Variants in MCU observed in about 807,000 individuals in gnomAD.
MCU encodes the protein mitochondrial calcium uniporter.
Under a neutral mutation model 45.2 loss-of-function variants are expected in MCU, and 12 were observed. That is an observed-to-expected ratio of 0.27 (90% CI 0.17 to 0.43). The LOEUF (loss-of-function observed/expected upper bound fraction) is 0.43. MCU is among the 20% of genes least tolerant of loss of function. The probability of loss-of-function intolerance (pLI) is 1.00; values close to 1 mark genes in which losing one functional copy is unlikely to be tolerated. For synonymous variants in MCU, 160 were observed against 165.1 expected, an observed-to-expected ratio of 0.97 and a Z score of 0.24; for missense variants, 324 against 436.7, an observed-to-expected ratio of 0.74 and a Z score of 2.30.
At chr10:72,778,411 A>G (rs1288536442) in intron 1 of MCU, among the ~76,000 whole-genome samples, 1 of 152,192 alleles carries the variant, frequency 6.6e-6, no homozygotes, top group Non-Finnish European at 1.5e-5. Flanking sequence ...ATGTTAAGTG[A>G]AATAAACCAA....
chr10:72,762,653 A>G (rs1036901714), intron 1 of MCU, among the ~76,000 whole-genome samples: 1 of 152,200 alleles, frequency 6.6e-6, no homozygotes, highest in Non-Finnish European at 1.5e-5. Flanking sequence ...TGTCAGTTCT[A>G]AAATACTATT....
chr10:72,708,269 C>G (rs575619732), intron 1 of MCU: 2 of 152,160 alleles, frequency 1.3e-5, no homozygotes, highest in East Asian at 3.9e-4. Flanking sequence ...TTTCTCTAAT[C>G]CAAATTGCCG....
At position 72,871,637 on chromosome 10, in the gene MCU, A is replaced by G. The variant is rs886632200; in HGVS notation, c.861+57A>G. 37 of 1,470,960 alleles carry G rather than the reference A, an allele frequency of 2.5e-5. No individual in the cohort carries two copies. The Admixed American group carries it at 3.1e-4, about 12-fold the overall frequency. 91.1% of individuals were successfully genotyped at this position (1,470,960 alleles called of 1,614,324 possible). Reference sequence around the variant, plus strand: ...GATAGTAATAAAGTTTTGATTGTCAAAAGAGTTCTTTTTTCTCATCTTCTA... The same window carrying G: ...GATAGTAATAAAGTTTTGATTGTCAGAAGAGTTCTTTTTTCTCATCTTCTA... On this transcript the variant is annotated intron_variant, in intron 6 of 7. Transcript: ENST00000373053.
chr10:72,849,525 T>C (rs1845175154), intron 2 of MCU, among the ~76,000 whole-genome samples: 1 of 152,134 alleles, frequency 6.6e-6, no homozygotes, highest in South Asian at 2.1e-4. Flanking sequence ...AATATAGGCT[T>C]GGGATATCAT....
At chr10:72,796,378 A>G (rs990075811) in intron 1 of MCU, among the ~76,000 whole-genome samples, 3 of 152,152 alleles carry the variant, frequency 2.0e-5, no homozygotes, top group African/African-American at 7.2e-5. Context: ...CTATGATTGT[A>G]TCACTGCACT....
intron 1 of MCU, among the ~76,000 whole-genome samples, chr10:72,764,902 A>G (rs1843703086): frequency 6.6e-6 from 1 of 152,144 alleles, no homozygotes; most frequent in Admixed American, 6.6e-5. Flanking sequence ...CCACATATTT[A>G]TAGAACAGGA....
chr10:72,817,246 G>GT (rs1844641895), intron 1 of MCU, among the ~76,000 whole-genome samples: 1 of 152,170 alleles, frequency 6.6e-6, no homozygotes, highest in Non-Finnish European at 1.5e-5. Flanking sequence ...AGATATGTTT[G>GT]TTTTTTACCC....
chr10:72,748,502 A>T (rs1843447076), intron 1 of MCU, among the ~76,000 whole-genome samples: 1 of 152,184 alleles, frequency 6.6e-6, no homozygotes, highest in South Asian at 2.1e-4. Context: ...CTGTCTAGTG[A>T]ACTATCCAAA....
chr10:72,826,600 GT>G (rs1404823361), intron 1 of MCU, among the ~76,000 whole-genome samples: 1 of 152,120 alleles, frequency 6.6e-6, no homozygotes, highest in Non-Finnish European at 1.5e-5. Flanking sequence ...AAACTGAACT[GT>G]CTATCAAAAA....
At chr10:72,757,252 A>G (rs1320152680) in intron 1 of MCU, among the ~76,000 whole-genome samples, 2 of 152,202 alleles carry the variant, frequency 1.3e-5, no homozygotes, top group Non-Finnish European at 2.9e-5. Context: ...GAGGTAATGT[A>G]GAGATTAGCA....
intron 5 of MCU, 50 bp downstream of exon 5, chr10:72,868,913 A>C: frequency 1.3e-6 from 2 of 1,562,932 alleles, no homozygotes; most frequent in Non-Finnish European, 1.7e-6. Flanking sequence ...TTTTTTCCAG[A>C]GCATATATGT....
chr10:72,858,064 A>T (rs1004001588), intron 2 of MCU, among the ~76,000 whole-genome samples: 2 of 152,208 alleles, frequency 1.3e-5, no homozygotes, highest in Non-Finnish European at 2.9e-5. Context: ...TAAAGGTTGC[A>T]GGCTGCAGGG....
At chr10:72,863,711 G>A (rs1415085353) in intron 4 of MCU, among the ~76,000 whole-genome samples, 1 of 152,118 alleles carries the variant, frequency 6.6e-6, no homozygotes, top group Non-Finnish European at 1.5e-5. Flanking sequence ...CTGCCTCCTG[G>A]GTTCAAATTA....
chr10:72,697,426 AT>A (rs1001610262), intron 1 of MCU, among the ~76,000 whole-genome samples: 4,789 of 64,152 alleles, frequency 0.075, 89 homozygotes, highest in African/African-American at 0.2. Flanking sequence ...CCAGACTTCT[AT>A]TTTTTTTTTT....
intron 1 of MCU, among the ~76,000 whole-genome samples, chr10:72,710,581 G>T (rs1842880254): frequency 6.9e-6 from 1 of 145,834 alleles, no homozygotes; most frequent in Non-Finnish European, 1.5e-5. Context: ...GGTGGAGGTG[G>T]AGTGGTCCTT....
chr10:72,856,768 TA>T (rs1204072398), intron 2 of MCU, among the ~76,000 whole-genome samples: 2,602 of 64,972 alleles, frequency 0.04, 97 homozygotes, highest in African/African-American at 0.13. Context: ...ACCCTGTCTC[TA>T]AAAAAAAAAA....
intron 7 of MCU, among the ~76,000 whole-genome samples, chr10:72,884,768 G>T (rs1845754469): frequency 6.6e-6 from 1 of 151,894 alleles, no homozygotes; most frequent in South Asian, 2.1e-4. Flanking sequence ...GTAGCAGTGG[G>T]GAAAAGTAAA....
intron 1 of MCU, among the ~76,000 whole-genome samples, chr10:72,780,087 A>G (rs1483602736): frequency 1.3e-5 from 2 of 152,240 alleles, no homozygotes; most frequent in Non-Finnish European, 2.9e-5. Flanking sequence ...ACGATGGAAT[A>G]TTATTCAGCC....
chr10:72,818,204 T>G (rs1261021257), intron 1 of MCU, among the ~76,000 whole-genome samples: 1 of 152,204 alleles, frequency 6.6e-6, no homozygotes, highest in Non-Finnish European at 1.5e-5. Context: ...CTAGGTCACC[T>G]GTGACTTTTC....
Sources: allele counts gnomAD v4.1 joint callset (sites outside exome capture counted in the v4.1 genomes callset), GRCh38; gene constraint gnomAD v4.1.1; transcripts MANE v1.5; gene names NCBI Gene and HGNC (gene_info 2026-07-23, HGNC 2026-07-21).